The following ADAMTS18 variants were observed in gnomAD, a reference collection of about 807,000 sequenced individuals.
The protein encoded by ADAMTS18 is A disintegrin and metalloproteinase with thrombospondin motifs 18.
Under a neutral mutation model 165.9 loss-of-function variants are expected in ADAMTS18, and 157 were observed. The observed-to-expected ratio is 0.95, with a 90% CI of 0.83 to 1.08. The LOEUF is 1.08. Among genes scored for constraint, ADAMTS18 ranks in the 50% least tolerant of loss-of-function variants. The pLI is 0.00. For synonymous variants in ADAMTS18, 782 were observed against 578.2 expected (o/e 1.35, Z -5.06); for missense variants, 2,040 against 1,534.0 (o/e 1.33, Z -5.51).
At chr16:77,401,588 T>G (rs1011065302) in intron 3 of ADAMTS18, among the ~76,000 whole-genome samples, 5 of 152,216 alleles carry the variant, frequency 3.3e-5, no homozygotes, top group Non-Finnish European at 1.5e-5. Context: ...AAGTTCTGTG[T>G]GAAGATGAAC....
At chr16:77,348,733 G>C (rs1256338775) in intron 10 of ADAMTS18, among the ~76,000 whole-genome samples, 3 of 152,152 alleles carry the variant, frequency 2.0e-5, no homozygotes, top group Non-Finnish European at 4.4e-5. Flanking sequence ...TACCAATAGA[G>C]GCAAGAGATG....
At chr16:77,319,686 G>T (rs991482458) in intron 16 of ADAMTS18, among the ~76,000 whole-genome samples, 163 bp downstream of exon 16, 1 of 152,056 alleles carries the variant, frequency 6.6e-6, no homozygotes, top group East Asian at 1.9e-4. Context: ...CAGCTGATCC[G>T]CCCACCTCAG....
At chr16:77,372,311 G>A (rs946383434) in intron 3 of ADAMTS18, among the ~76,000 whole-genome samples, 10 of 152,208 alleles carry the variant, frequency 6.6e-5, no homozygotes, top group Admixed American at 6.5e-4. Context: ...AGAGATATCT[G>A]CACTCCAGTG....
intron 4 of ADAMTS18, 129 bp downstream of exon 4, chr16:77,367,311 TG>T: frequency 1.1e-6 from 1 of 949,474 alleles, no homozygotes; most frequent in Non-Finnish European, 1.6e-6. Flanking sequence ...AGATAATTAC[TG>T]GTCCTACACC....
intron 19 of ADAMTS18, among the ~76,000 whole-genome samples, chr16:77,294,215 T>C (rs546166992): frequency 6.6e-6 from 1 of 152,250 alleles, no homozygotes; most frequent in South Asian, 2.1e-4. Flanking sequence ...AGGGAAGCTG[T>C]AGGGAAGGGC....
At chr16:77,284,122 T>TC (rs1491576163) in intron 22 of ADAMTS18, 51 bp from the exon 23 acceptor site, 10 of 1,267,872 alleles carry the variant, frequency 7.9e-6, no homozygotes, top group Non-Finnish European at 1.1e-5. Context: ...CTATCCTTTT[T>TC]CTTTTTTTTT....
rs778304503 is a variant in ADAMTS18 at position 77,321,069 on chromosome 16, C to T, written c.2287+10G>A. The T allele has an allele frequency of 1.2e-6, 2 of 1,614,024 alleles. No homozygotes were observed. The highest frequency in any genetic ancestry group is 1.3e-5 in the African/African-American group (1 of 74,932). ...TCTCATTAACAATAACAAACAGCAG[C>T]ATCTCTCACCATTTGCTTTATGCTG... On this transcript the variant is annotated intron_variant, in intron 15 of 22. Coordinates refer to ENST00000282849, the MANE Select transcript of ADAMTS18 (RefSeq NM_199355.4).
intron 10 of ADAMTS18, among the ~76,000 whole-genome samples, chr16:77,346,570 C>T (rs1389817439): frequency 6.6e-6 from 1 of 152,040 alleles, no homozygotes; most frequent in African/African-American, 2.4e-5. Context: ...ATCATTGTGG[C>T]CACATGACGA....
intron 3 of ADAMTS18, among the ~76,000 whole-genome samples, chr16:77,369,347 T>G (rs1304360027): frequency 6.6e-6 from 1 of 152,248 alleles, no homozygotes; most frequent in Non-Finnish European, 1.5e-5. Context: ...TATTACTGCT[T>G]GGATCTTTAT....
chr16:77,313,419 T>C (rs2055821346), intron 16 of ADAMTS18, among the ~76,000 whole-genome samples: 1 of 150,734 alleles, frequency 6.6e-6, no homozygotes, highest in South Asian at 2.1e-4. Flanking sequence ...ATTGTGCACA[T>C]GTGCCCTAGA....
chr16:77,327,824 C>A (rs1489811059), intron 12 of ADAMTS18, among the ~76,000 whole-genome samples: 1 of 152,184 alleles, frequency 6.6e-6, no homozygotes, highest in Non-Finnish European at 1.5e-5. Flanking sequence ...CTCTCAGTAT[C>A]TTCCCACACT....
intron 13 of ADAMTS18, among the ~76,000 whole-genome samples, chr16:77,322,671 TA>T (rs2056024463): frequency 6.6e-6 from 1 of 152,046 alleles, no homozygotes; most frequent in South Asian, 2.1e-4. Flanking sequence ...AATTTAAGAG[TA>T]ATACGTAACA....
At chr16:77,407,144 G>T (rs76060874) in intron 3 of ADAMTS18, among the ~76,000 whole-genome samples, 1 of 152,006 alleles carries the variant, frequency 6.6e-6, no homozygotes, top group Non-Finnish European at 1.5e-5. Context: ...ATTGATAAGT[G>T]AGAGTGTTCT....
chr16:77,382,412 G>A (rs1435875852), intron 3 of ADAMTS18, among the ~76,000 whole-genome samples: 5 of 152,080 alleles, frequency 3.3e-5, no homozygotes, highest in Non-Finnish European at 5.9e-5. Flanking sequence ...GGGTTTCACC[G>A]TGTTAGCCAG....
At chr16:77,397,158 T>C (rs1158188243) in intron 3 of ADAMTS18, among the ~76,000 whole-genome samples, 2 of 152,152 alleles carry the variant, frequency 1.3e-5, no homozygotes, top group Non-Finnish European at 2.9e-5. Context: ...ACACAATTAT[T>C]TCTACATGTA....
intron 16 of ADAMTS18, among the ~76,000 whole-genome samples, chr16:77,310,688 C>T (rs1393779711): frequency 6.6e-6 from 1 of 151,900 alleles, no homozygotes; most frequent in Non-Finnish European, 1.5e-5. Context: ...AGTACAGTGG[C>T]ACAATCACAG....
intron 2 of ADAMTS18, among the ~76,000 whole-genome samples, chr16:77,432,253 G>A (rs919112111): frequency 6.6e-6 from 1 of 152,154 alleles, no homozygotes; most frequent in Non-Finnish European, 1.5e-5. Context: ...CTTTCACAGG[G>A]ATGATCCCAT....
At chr16:77,386,446 C>T (rs995569878) in intron 3 of ADAMTS18, among the ~76,000 whole-genome samples, 1 of 152,070 alleles carries the variant, frequency 6.6e-6, no homozygotes, top group Non-Finnish European at 1.5e-5. Context: ...GAATTTGAGC[C>T]CAATATTGTC....
At position 77,393,726 on chromosome 16, in the gene ADAMTS18, A is replaced by G. The variant is rs74025993; in HGVS notation, c.496-26003T>C. ...CAGTTTCCAGAACTGTGAGAAATAC[A>G]TTTCTGCTGTTTATAAGTTACCCTG... is the stretch of plus-strand genomic sequence containing the variant. On this transcript the variant is annotated intron_variant, in intron 3 of 22. Transcript: ENST00000282849. Among the ~76,000 whole-genome samples the G allele has an allele frequency of 6.9e-3, 1,046 of 152,244 alleles. 14 individuals carry two copies. Among genetic ancestry groups the G allele is most frequent in the African/African-American group, 0.024 (1,014 of 41,548 alleles).
Sources: gnomAD v4.1 joint callset for allele counts (sites outside exome capture counted in the v4.1 genomes callset) on GRCh38, gnomAD v4.1.1 for gene constraint, MANE v1.5 for transcripts, NCBI Gene and HGNC (gene_info 2026-07-23, HGNC 2026-07-21) for gene names.